Variants in SLC38A11 observed in about 807,000 individuals in gnomAD.
SLC38A11 encodes solute carrier family 38 member 11.
A neutral mutation model predicts 49.4 loss-of-function variants in SLC38A11; 51 were observed. That is an observed-to-expected ratio of 1.03 (90% CI 0.83 to 1.30). The LOEUF (loss-of-function observed/expected upper bound fraction) is 1.30. SLC38A11 is among the 50% of genes most tolerant of loss of function. SLC38A11 has a pLI of 0.00. For synonymous variants in SLC38A11, 203 were observed against 192.9 expected, an observed-to-expected ratio of 1.05 and a Z score of -0.43; for missense variants, 574 against 556.2, an observed-to-expected ratio of 1.03 and a Z score of -0.32.
intron 3 of SLC38A11, among the ~76,000 whole-genome samples, chr2:164,946,708 G>A (rs1330624089): frequency 6.6e-6 from 1 of 152,080 alleles, no homozygotes; most frequent in Non-Finnish European, 1.5e-5. Flanking sequence ...AGACACTGCA[G>A]TTTTATTTGG....
intron 8 of SLC38A11, chr2:164,915,521 T>G (rs1685721118): frequency 4.6e-6 from 2 of 434,062 alleles, no homozygotes; most frequent in Non-Finnish European, 8.1e-6. Context: ...TTCTCTCTCA[T>G]TTTCCTTTTC....
intron 11 of SLC38A11, chr2:164,907,892 A>G (rs1430045137): frequency 1.3e-5 from 2 of 152,180 alleles, no homozygotes; most frequent in Admixed American, 1.3e-4. Context: ...AATTTTGGGA[A>G]GTAAATGGGA....
At position 164,900,087 on chromosome 2, in the gene SLC38A11, G is replaced by A. The variant is rs115532752; in HGVS notation, c.1096-1357C>T. Reference sequence around the variant, plus strand: ...ATGTGTCTGGCTTATTTCACTTAACGTTCTTCAGGTCTATCCATGTTGTGG... The same window carrying A: ...ATGTGTCTGGCTTATTTCACTTAACATTCTTCAGGTCTATCCATGTTGTGG... On this transcript the variant is annotated intron_variant, in intron 11 of 11. Coordinates refer to ENST00000685975, the MANE Select transcript of SLC38A11 (RefSeq NM_001351537.2). Among the ~76,000 whole-genome samples the A allele has an allele frequency of 7.7e-3, 1,167 of 152,062 alleles. 8 individuals are homozygous for A. The highest frequency in any genetic ancestry group is 0.013 in the Non-Finnish European group (850 of 67,928).
chr2:164,947,352 G>A (rs1007413549), intron 3 of SLC38A11, among the ~76,000 whole-genome samples: 23 of 151,922 alleles, frequency 1.5e-4, no homozygotes, highest in African/African-American at 4.8e-4. Context: ...AGATGGTCTC[G>A]AACTCCTGAC....
chr2:164,924,891 T>TGCCCGGCTAATTTTTTGTATCCGC (rs1686458026), intron 7 of SLC38A11, among the ~76,000 whole-genome samples: 1 of 150,842 alleles, frequency 6.6e-6, no homozygotes, highest in East Asian at 1.9e-4. Flanking sequence ...CCAGCCACCA[T>TGCCCGGCTAATTTTTTGTATCCGC]GCCCGGCTAA....
intron 11 of SLC38A11, among the ~76,000 whole-genome samples, chr2:164,907,164 A>G (rs921835874): frequency 6.6e-6 from 1 of 151,908 alleles, no homozygotes; most frequent in African/African-American, 2.4e-5. Context: ...CCAAGAAGTC[A>G]TTCTGCCCCC....
chr2:164,910,037 A>G (rs979155466), intron 10 of SLC38A11, among the ~76,000 whole-genome samples: 2 of 152,130 alleles, frequency 1.3e-5, no homozygotes, highest in Non-Finnish European at 2.9e-5. Flanking sequence ...AAGGGTAGAC[A>G]GCCTTTTTAG....
At chr2:164,914,326 A>T (rs1685614687) in intron 9 of SLC38A11, among the ~76,000 whole-genome samples, 1 of 152,040 alleles carries the variant, frequency 6.6e-6, no homozygotes, top group African/African-American at 2.4e-5. Context: ...ATTGAATGTA[A>T]GGGTCAAGGG....
chr2:164,949,382 T>C (rs1340691216), intron 3 of SLC38A11, among the ~76,000 whole-genome samples: 2 of 152,094 alleles, frequency 1.3e-5, no homozygotes, highest in African/African-American at 4.8e-5. Flanking sequence ...TTCAGCTTCC[T>C]GAGTAGCTGA....
rs756238215 is a variant in SLC38A11 at position 164,908,653 on chromosome 2, A to T, written c.1082T>A (p.Val361Asp). ...GCACGTACTCACATTGAGTTCTAGA[A>T]CTATCCCGAGGCAATCAATCAGCAA... ...VSLLIDCLGI[V>D]LELNGVLCAT... The change falls in exon 11 of 12, where the codon GTT becomes GAT. Residue 361 changes from valine (V) to aspartate (D), a missense_variant. Transcript: ENST00000685975. 6.3e-7 allele frequency: 1 copy of T among 1,596,078 alleles called. No homozygotes were observed. Among genetic ancestry groups the T allele is most frequent in the Non-Finnish European group, 8.5e-7 (1 of 1,170,098 alleles).
rs76876002 is a variant in SLC38A11, at chr2:164,954,576, G to A, written c.154+55C>T. Reference sequence around the variant, plus strand: ...AATTAATGAACACTAGCAGCGTAGCGAGTCTTAAATTTTGCCCTTTCACTT... The same window carrying A: ...AATTAATGAACACTAGCAGCGTAGCAAGTCTTAAATTTTGCCCTTTCACTT... On this transcript the variant is annotated intron_variant, in intron 2 of 11. Transcript: ENST00000685975. The A allele has an allele frequency of 3.4e-3, 2,399 of 709,808 alleles. 114 individuals carry two copies. In the East Asian group the frequency reaches 0.069, roughly 20 times the overall value. 44.0% of individuals were successfully genotyped at this position (709,808 alleles called of 1,614,324 possible).
At chr2:164,924,795 C>T (rs939033231) in intron 7 of SLC38A11, among the ~76,000 whole-genome samples, 2 of 151,856 alleles carry the variant, frequency 1.3e-5, no homozygotes, top group Non-Finnish European at 2.9e-5. Context: ...AGTGCAGTGG[C>T]GCAATCTCGG....
chr2:164,951,072 T>C (rs1339218139), intron 3 of SLC38A11, among the ~76,000 whole-genome samples: 1 of 152,212 alleles, frequency 6.6e-6, no homozygotes, highest in East Asian at 1.9e-4. Flanking sequence ...TGCAAAGGAC[T>C]TCTCACAGTT....
At chr2:164,940,695 GATT>G (rs1284291457) in intron 5 of SLC38A11, among the ~76,000 whole-genome samples, 3 of 149,976 alleles carry the variant, frequency 2.0e-5, no homozygotes, top group African/African-American at 7.3e-5. Flanking sequence ...TTATATATAT[GATT>G]ATTAGATTAT....
At chr2:164,951,315 G>A (rs1688509616) in intron 3 of SLC38A11, among the ~76,000 whole-genome samples, 1 of 151,988 alleles carries the variant, frequency 6.6e-6, no homozygotes, top group South Asian at 2.1e-4. Flanking sequence ...CAGTGCTGAT[G>A]GGAAACAGGA....
chr2:164,952,537 T>A (rs1343957588), intron 3 of SLC38A11, among the ~76,000 whole-genome samples, 170 bp downstream of exon 3: 1 of 152,204 alleles, frequency 6.6e-6, no homozygotes, highest in East Asian at 1.9e-4. Flanking sequence ...AAAGGATTAG[T>A]AAGAAAAGTA....
intron 7 of SLC38A11, among the ~76,000 whole-genome samples, chr2:164,923,789 C>A (rs1345913414): frequency 1.3e-5 from 2 of 149,328 alleles, no homozygotes; most frequent in Non-Finnish European, 3.0e-5. Flanking sequence ...AGAGCAAGAC[C>A]CTGTCTTGAA....
intron 7 of SLC38A11, among the ~76,000 whole-genome samples, chr2:164,929,109 G>A (rs1017708619): frequency 2.6e-5 from 4 of 152,098 alleles, no homozygotes; most frequent in Non-Finnish European, 5.9e-5. Flanking sequence ...GAAGGGCAGA[G>A]GAGGGCAAAA....
chr2:164,942,816 C>G (rs547998636), intron 5 of SLC38A11, among the ~76,000 whole-genome samples: 1 of 152,264 alleles, frequency 6.6e-6, no homozygotes, highest in Non-Finnish European at 1.5e-5. Context: ...TAGGAACTAC[C>G]TGTCTCACCT....
Sources: allele counts gnomAD v4.1 joint callset (sites outside exome capture counted in the v4.1 genomes callset), GRCh38; gene constraint gnomAD v4.1.1; transcripts MANE v1.5; gene names NCBI Gene and HGNC (gene_info 2026-07-23, HGNC 2026-07-21).